The following LRRC42 variants were observed in gnomAD, a reference collection of about 807,000 sequenced individuals.
LRRC42 encodes leucine-rich repeat-containing protein 42.
A neutral mutation model predicts 44.3 loss-of-function variants in LRRC42; 43 were observed. The observed-to-expected ratio is 0.97, with a 90% CI of 0.76 to 1.25. LRRC42 has a LOEUF of 1.25. LRRC42 is among the 50% of genes most tolerant of loss of function. LRRC42 has a pLI of 0.00. For missense variants in LRRC42, 540 were observed against 509.1 expected (o/e 1.06, Z -0.58); for synonymous variants, 207 against 195.2 (o/e 1.06, Z -0.50).
At chr1:53,952,882 C>T (rs781438431) in intron 3 of LRRC42, among the ~76,000 whole-genome samples, 10 of 152,086 alleles carry the variant, frequency 6.6e-5, no homozygotes, top group Non-Finnish European at 1.3e-4. Flanking sequence ...TAAAAAGTGA[C>T]CTTAAAAGAT....
intron 3 of LRRC42, among the ~76,000 whole-genome samples, chr1:53,954,918 C>G (rs1654788718): frequency 6.6e-6 from 1 of 152,110 alleles, no homozygotes; most frequent in Non-Finnish European, 1.5e-5. Context: ...ATTCTGATCC[C>G]TAATGTAATA....
chr1:53,958,044 G>A, intron 3 of LRRC42, 105 bp from the exon 4 acceptor site: 2 of 1,448,056 alleles, frequency 1.4e-6, no homozygotes, highest in Admixed American at 1.9e-5. Context: ...CCATAGTACT[G>A]TGTCCTGATG....
Position 53,952,161 on chromosome 1 carries a change from G to C in LRRC42, c.162G>C (p.Glu54Asp). The C allele has an allele frequency of 1.2e-6, 2 of 1,614,236 alleles. No homozygotes were observed. Among genetic ancestry groups the C allele is most frequent in the South Asian group, 1.1e-5 (1 of 91,084 alleles). The change falls in exon 3 of 9, where the codon GAG becomes GAC. Residue 54 changes from glutamate (E) to aspartate (D), a missense_variant. Coordinates refer to ENST00000371370, the MANE Select transcript of LRRC42 (RefSeq NM_001256409.2). ...TGTTCCCCAAAGGCTTTTCTGTGGA[G>C]CTTTGCATGAACAGGGAAGACGACA... The part of the protein sequence containing the change: ...FRLFPKGFSV[E>D]LCMNREDDTA...
chr1:53,964,742 T>TG (rs1275285021), intron 7 of LRRC42, among the ~76,000 whole-genome samples: 1 of 152,178 alleles, frequency 6.6e-6, no homozygotes, highest in Non-Finnish European at 1.5e-5. Flanking sequence ...AACAGCCCTA[T>TG]GGAATGTGTA....
At position 53,966,321 on chromosome 1, in the gene LRRC42, C is replaced by T. The variant is rs950996989; in HGVS notation, c.953C>T (p.Thr318Ile). The change falls in exon 8 of 9, where the codon ACT becomes ATT. Residue 318 changes from threonine to isoleucine, a missense_variant. Transcript: ENST00000371370. ...DQIVLQWERV[T>I]AEAVKPRETS... is the part of the protein sequence containing the mutation. ...ATCGTTCTGCAGTGGGAGCGTGTGA[C>T]TGCGGAAGCTGTGAAGCCACGGGAG... 3 of 1,613,696 alleles carry T rather than the reference C, an allele frequency of 1.9e-6. No homozygotes were observed. The highest frequency in any genetic ancestry group is 2.2e-5 in the East Asian group (1 of 44,892).
Position 53,960,312 on chromosome 1 carries a change from C to T in LRRC42, c.606-44C>T, listed in dbSNP as rs762137314. 9 of 1,365,576 alleles carry T rather than the reference C, an allele frequency of 6.6e-6. No homozygotes were observed. In the South Asian group the frequency reaches 9.9e-5, roughly 15 times the overall value. 84.6% of individuals were successfully genotyped at this position (1,365,576 alleles called of 1,614,324 possible). The stretch of plus-strand genomic sequence containing the variant: ...GCATGTTTTTATACCTAGATTGTCT[C>T]AAACTCTCTTTGAGTAATTTATGTA... On this transcript the variant is annotated intron_variant, in intron 4 of 8. Transcript: ENST00000371370.
chr1:53,958,387 AT>A, intron 4 of LRRC42, 107 bp downstream of exon 4: 1 of 1,434,332 alleles, frequency 7.0e-7, no homozygotes. Flanking sequence ...TCTTATGTTG[AT>A]TTGCTTTTTT....
rs1557644304 is a variant in LRRC42, at chr1:53,952,295, A to T, written c.296A>T (p.Asp99Val). 6.2e-7 allele frequency: 1 copy of T among 1,614,168 alleles called. No individual in the cohort carries two copies. The highest frequency in any genetic ancestry group is 8.5e-7 in the Non-Finnish European group (1 of 1,180,008). The change falls in exon 3 of 9, where the codon GAC becomes GTC. Residue 99 changes from aspartate to valine, a missense_variant. By Grantham distance (152) the Asp-to-Val change is radical. Coordinates refer to ENST00000371370, the MANE Select transcript of LRRC42 (RefSeq NM_001256409.2). ...LFSLVLGFISDNVDHIDSLIG... is the reference protein window; with the variant it reads ...LFSLVLGFISVNVDHIDSLIG... The stretch of plus-strand genomic sequence containing the variant: ...AGCCTTGTCCTGGGTTTCATCTCCG[A>T]CAATGTGGATCACATTGATTCCCTT...
At chr1:53,954,308 A>G (rs1040331122) in intron 3 of LRRC42, among the ~76,000 whole-genome samples, 14 of 152,226 alleles carry the variant, frequency 9.2e-5, no homozygotes, top group Middle Eastern at 3.2e-3. Flanking sequence ...TCTCTGGGCT[A>G]TGGTCTCAGT....
Position 53,949,264 on chromosome 1 carries a change from C to T in LRRC42, c.-15+1443C>T, listed in dbSNP as rs376973737. ...TCTAGTTTTCATCTGAAGTGGTCACCCACCCACCCCATCCATCCATCCATT... is the reference window on the plus strand; with the variant it reads ...TCTAGTTTTCATCTGAAGTGGTCACTCACCCACCCCATCCATCCATCCATT... On this transcript the variant is annotated intron_variant, in intron 2 of 8. Coordinates refer to ENST00000371370, the MANE Select transcript of LRRC42 (RefSeq NM_001256409.2). Among the ~76,000 whole-genome samples, 30 of 152,110 alleles carry T rather than the reference C, an allele frequency of 2.0e-4. No homozygotes were observed. The South Asian group carries it at 5.4e-3, about 27-fold the overall frequency.
chr1:53,962,208 G>A (rs1037470734), intron 6 of LRRC42, 86 bp downstream of exon 6: 15 of 1,433,918 alleles, frequency 1.0e-5, no homozygotes, highest in Non-Finnish European at 1.4e-5. Flanking sequence ...GAAAGGGCTG[G>A]TATTTATGAT....
In LRRC42 at chr1:53,960,383, T is replaced by C. The variant is rs1215859775; in HGVS notation, c.633T>C (p.Asn211=). 1.2e-6 allele frequency: 2 copies of C among 1,613,724 alleles called. No individual in the cohort carries two copies. Among genetic ancestry groups the C allele is most frequent in the East Asian group, 2.2e-5 (1 of 44,894 alleles). The change falls in exon 5 of 9, where the codon AAT becomes AAC. Residue 211 remains asparagine, a synonymous_variant. Coordinates refer to ENST00000371370, the MANE Select transcript of LRRC42 (RefSeq NM_001256409.2). ...TAACTCAGCTCCACCTGAAGGATAA[T>C]TGTTTATCTGATGCTGGGGTGCGGA... The part of the protein sequence containing the change: ...SSVTQLHLKD[N]CLSDAGVRKM...
intron 3 of LRRC42, among the ~76,000 whole-genome samples, 159 bp downstream of exon 3, chr1:53,952,631 C>T (rs568050137): frequency 1.5e-4 from 23 of 152,210 alleles, no homozygotes; most frequent in Non-Finnish European, 3.2e-4. Context: ...AATCACTCTT[C>T]CTTCTCCTCA....
chr1:53,958,251 AG>A lies in LRRC42; in HGVS notation c.577del (p.Glu193AsnfsTer11). 1 of 1,613,814 alleles carries A rather than the reference AG, an allele frequency of 6.2e-7. No homozygotes were observed. Among genetic ancestry groups the A allele is most frequent in the Non-Finnish European group, 8.5e-7 (1 of 1,179,766 alleles). On this transcript the variant is annotated frameshift_variant, in exon 4 of 9. Transcript: ENST00000371370. LOFTEE classifies it high-confidence loss of function. The part of the protein sequence containing the change: ...CKLGDEHELL[E>X]HLTNEALSSV... ...AGCTTGGAGATGAGCATGAACTTCT[AG>A]AACATCTCACCAATGAAGCCCTGTC...
rs373260392 is a variant in LRRC42 at position 53,952,254 on chromosome 1, C to T, written c.255C>T (p.Ser85=). Residue 85 remains serine (S), a synonymous_variant, in exon 3 of 9, where the codon TCC becomes TCT. Coordinates refer to ENST00000371370, the MANE Select transcript of LRRC42 (RefSeq NM_001256409.2). ...TYTREGNLRY[S]AKSLFSLVLG... is the part of the protein sequence containing the mutation. ...CCCGAGAGGGGAATCTTCGGTACTC[C>T]GCCAAATCCCTCTTCAGCCTTGTCC... is the stretch of plus-strand genomic sequence containing the variant. The T allele has an allele frequency of 6.3e-5, 102 of 1,614,132 alleles. 1 individual carries two copies. The highest frequency in any genetic ancestry group is 1.1e-4 in the East Asian group (5 of 44,902).
chr1:53,958,051 G>A, intron 3 of LRRC42, 98 bp from the exon 4 acceptor site: 2 of 1,503,156 alleles, frequency 1.3e-6, no homozygotes, highest in Non-Finnish European at 1.8e-6. Context: ...ACTGTGTCCT[G>A]ATGGGATGGT....
At position 53,958,231 on chromosome 1, in the gene LRRC42, G is replaced by A. The variant is rs374687496; in HGVS notation, c.556G>A (p.Gly186Arg). 5.0e-6 allele frequency: 8 copies of A among 1,613,736 alleles called. No individual in the cohort carries two copies. Among genetic ancestry groups the A allele is most frequent in the Non-Finnish European group, 5.9e-6 (7 of 1,179,828 alleles). Reference sequence around the variant, plus strand: ...CCTGGATCTTTCCTGTTGCAAGCTTGGAGATGAGCATGAACTTCTAGAACA... The same window carrying A: ...CCTGGATCTTTCCTGTTGCAAGCTTAGAGATGAGCATGAACTTCTAGAACA... Reference protein sequence around the residue: ...TCLDLSCCKLGDEHELLEHLT... With the variant: ...TCLDLSCCKLRDEHELLEHLT... The change falls in exon 4 of 9, where the codon GGA becomes AGA. Residue 186 changes from glycine (G) to arginine (R), a missense_variant. By Grantham distance (125) the Gly-to-Arg change is moderately radical. Transcript: ENST00000371370.
At chr1:53,948,633 T>A (rs1019861162) in intron 2 of LRRC42, among the ~76,000 whole-genome samples, 1 of 152,214 alleles carries the variant, frequency 6.6e-6, no homozygotes, top group Admixed American at 6.5e-5. Flanking sequence ...GCTACTACGA[T>A]CTACATTGGG....
Position 53,967,689 on chromosome 1 carries a change from C to G in LRRC42, c.1037C>G (p.Ala346Gly), listed in dbSNP as rs773063752. ...GATGGGAAGCGGTCTCGAGCAGAAG[C>G]CCCACTGAAGTGTCCCCTGGCAGAC... is the stretch of plus-strand genomic sequence containing the variant. ...RFYGKRSRAE[A>G]PLKCPLADTH... Residue 346 changes from alanine (A) to glycine (G), a missense_variant, in exon 9 of 9, where the codon GCC (alanine) becomes GGC (glycine). Transcript: ENST00000371370. The G allele has an allele frequency of 6.2e-6, 10 of 1,614,026 alleles. No homozygotes were observed. Among genetic ancestry groups the G allele is most frequent in the Middle Eastern group, 1.6e-4 (1 of 6,062 alleles).
Sources: allele counts gnomAD v4.1 joint callset (sites outside exome capture counted in the v4.1 genomes callset), GRCh38; gene constraint gnomAD v4.1.1; transcripts MANE v1.5; gene names NCBI Gene and HGNC (gene_info 2026-07-23, HGNC 2026-07-21).